Variants in PLCB1 observed in about 807,000 individuals in gnomAD.
PLCB1 encodes the protein 1-phosphatidylinositol 4,5-bisphosphate phosphodiesterase beta-1.
Under a neutral mutation model 161.8 loss-of-function variants are expected in PLCB1, and 46 were observed. The ratio of observed to expected loss-of-function variants is 0.28; its 90% CI spans 0.22 to 0.36. The LOEUF (loss-of-function observed/expected upper bound fraction) is 0.36. Ranked by LOEUF, PLCB1 falls within the 10% of genes least tolerant of loss-of-function variation. The probability of loss-of-function intolerance (pLI) is 1.00; values close to 1 mark genes in which losing one functional copy is unlikely to be tolerated. For missense variants in PLCB1, 1,016 were observed against 1,472.5 expected, an observed-to-expected ratio of 0.69 and a Z score of 5.07; for synonymous variants, 517 against 503.7, an observed-to-expected ratio of 1.03 and a Z score of -0.35.
chr20:8,591,195 A>C (rs565233799), intron 3 of PLCB1, among the ~76,000 whole-genome samples: 1 of 152,204 alleles, frequency 6.6e-6, no homozygotes, highest in South Asian at 2.1e-4. Flanking sequence ...GGTGTATAAG[A>C]TCAGCTGCTA....
chr20:8,253,689 A>G (rs1312878486), intron 2 of PLCB1, among the ~76,000 whole-genome samples: 1 of 151,918 alleles, frequency 6.6e-6, no homozygotes, highest in Non-Finnish European at 1.5e-5. Flanking sequence ...ATATTGCCTA[A>G]TGATGAGGTT....
chr20:8,685,170 T>C, intron 10 of PLCB1, 92 bp downstream of exon 10: 3 of 1,261,954 alleles, frequency 2.4e-6, no homozygotes, highest in Non-Finnish European at 3.4e-6. Context: ...AAGTGTGTTT[T>C]CTTCCATTTC....
intron 3 of PLCB1, among the ~76,000 whole-genome samples, chr20:8,569,910 A>T (rs1393179831): frequency 1.3e-5 from 2 of 152,224 alleles, no homozygotes; most frequent in East Asian, 3.9e-4. Flanking sequence ...TCCAACTCTC[A>T]CTGGCTTGAG....
intron 23 of PLCB1, among the ~76,000 whole-genome samples, chr20:8,747,572 T>G (rs1202714976): frequency 6.6e-6 from 1 of 152,218 alleles, no homozygotes; most frequent in East Asian, 1.9e-4. Flanking sequence ...ATTGTCTGAC[T>G]CACATGTTCT....
intron 2 of PLCB1, among the ~76,000 whole-genome samples, chr20:8,256,424 A>G (rs1431729439): frequency 1.3e-5 from 2 of 151,998 alleles, no homozygotes; most frequent in Admixed American, 6.6e-5. Flanking sequence ...CTAATCCTCA[A>G]CAGACTAACT....
chr20:8,262,432 G>A (rs773679695), intron 2 of PLCB1, among the ~76,000 whole-genome samples: 111 of 151,996 alleles, frequency 7.3e-4, no homozygotes, highest in Non-Finnish European at 1.4e-3. Flanking sequence ...AAATATTAGA[G>A]GGATGCAGCA....
At chr20:8,397,530 T>C (rs941433493) in intron 3 of PLCB1, among the ~76,000 whole-genome samples, 1 of 152,130 alleles carries the variant, frequency 6.6e-6, no homozygotes, top group Non-Finnish European at 1.5e-5. Flanking sequence ...CCTACCCACC[T>C]TCTGGTTTTC....
chr20:8,704,026 C>G (rs1978521325), intron 11 of PLCB1, among the ~76,000 whole-genome samples: 1 of 152,132 alleles, frequency 6.6e-6, no homozygotes, highest in South Asian at 2.1e-4. Context: ...GAGAAGTTCT[C>G]AAACAGACAA....
chr20:8,854,975 G>C (rs1170871483), intron 31 of PLCB1, among the ~76,000 whole-genome samples: 1 of 152,174 alleles, frequency 6.6e-6, no homozygotes, highest in Non-Finnish European at 1.5e-5. Flanking sequence ...TGATATGTAG[G>C]AAAAGTTTAA....
At chr20:8,606,375 C>T (rs954396607) in intron 3 of PLCB1, among the ~76,000 whole-genome samples, 1 of 152,120 alleles carries the variant, frequency 6.6e-6, no homozygotes, top group Non-Finnish European at 1.5e-5. Context: ...TATTTAACCT[C>T]TCTGTGCCTT....
At chr20:8,744,742 G>C (rs1173709950) in intron 23 of PLCB1, among the ~76,000 whole-genome samples, 34 of 151,962 alleles carry the variant, frequency 2.2e-4, no homozygotes, top group Admixed American at 2.2e-3. Context: ...TCTCATAATG[G>C]AACATTTTAC....
At chr20:8,455,432 C>CTTCTTTTTTTT (rs1555808193) in intron 3 of PLCB1, among the ~76,000 whole-genome samples, 1 of 74,166 alleles carries the variant, frequency 1.3e-5, no homozygotes, top group African/African-American at 6.4e-5. Context: ...TATTCTTCCT[C>CTTCTTTTTTTT]TTTTTTTTTT....
chr20:8,182,259 C>A (rs890034927), intron 2 of PLCB1, among the ~76,000 whole-genome samples: 1 of 152,184 alleles, frequency 6.6e-6, no homozygotes, highest in Non-Finnish European at 1.5e-5. Context: ...TGGCATACCT[C>A]TTTGCAGTTT....
chr20:8,142,330 C>G (rs542807317), intron 1 of PLCB1, among the ~76,000 whole-genome samples: 1 of 152,178 alleles, frequency 6.6e-6, no homozygotes, highest in East Asian at 1.9e-4. Context: ...GCTCCTTGTC[C>G]TTCCATTCCA....
chr20:8,175,700 A>C (rs2051775697), intron 2 of PLCB1, among the ~76,000 whole-genome samples: 1 of 152,320 alleles, frequency 6.6e-6, no homozygotes, highest in Non-Finnish European at 1.5e-5. Flanking sequence ...GTAAAATCCT[A>C]AAAAGAGGAT....
chr20:8,632,132 G>C (rs1233082905), intron 4 of PLCB1, among the ~76,000 whole-genome samples: 1 of 121,512 alleles, frequency 8.2e-6, no homozygotes, highest in African/African-American at 3.2e-5. Flanking sequence ...CCATAATTTT[G>C]ACTCTTTTTG....
intron 31 of PLCB1, among the ~76,000 whole-genome samples, chr20:8,800,919 C>G (rs1276890519): frequency 1.3e-5 from 2 of 152,122 alleles, no homozygotes; most frequent in Admixed American, 1.3e-4. Context: ...ATCATCTCTC[C>G]CCTGGATTTC....
At chr20:8,488,589 C>T (rs186557194) in intron 3 of PLCB1, among the ~76,000 whole-genome samples, 6 of 152,078 alleles carry the variant, frequency 3.9e-5, no homozygotes, top group Admixed American at 1.3e-4. Flanking sequence ...GAATAATCTA[C>T]CTTACCTTTT....
In PLCB1 at chr20:8,774,603, G is replaced by A. The variant is rs1416208046; in HGVS notation, c.2995G>A (p.Ala999Thr). ...TIEQDLAALD[A>T]EMTQKLIDLK... ...TGAGCAAGACCTCGCTGCTCTGGATGCTGAAATGACCCAAAAGTTAATAGA... is the reference window on the plus strand; with the variant it reads ...TGAGCAAGACCTCGCTGCTCTGGATACTGAAATGACCCAAAAGTTAATAGA... The change falls in exon 27 of 32, where the codon GCT becomes ACT. Residue 999 changes from alanine to threonine, a missense_variant. Ala to Thr is a moderately conservative substitution (Grantham distance 58). Transcript: ENST00000338037. 5 of 1,613,974 alleles carry A rather than the reference G, an allele frequency of 3.1e-6. No individual in the cohort carries two copies. Among genetic ancestry groups the A allele is most frequent in the Non-Finnish European group, 4.2e-6 (5 of 1,179,876 alleles).
Sources: allele counts gnomAD v4.1 joint callset (sites outside exome capture counted in the v4.1 genomes callset), GRCh38; gene constraint gnomAD v4.1.1; transcripts MANE v1.5; gene names NCBI Gene and HGNC (gene_info 2026-07-23, HGNC 2026-07-21).